The following PRKCA variants were observed in gnomAD, a reference collection of about 807,000 sequenced individuals.
The protein encoded by PRKCA is protein kinase C alpha.
Under a neutral mutation model 87.0 loss-of-function variants are expected in PRKCA, and 27 were observed. The observed-to-expected ratio is 0.31, with a 90% CI of 0.23 to 0.43. The LOEUF is 0.43. Ranked by LOEUF, PRKCA falls within the 20% of genes least tolerant of loss-of-function variation. The pLI is 1.00. For synonymous variants in PRKCA, 329 were observed against 311.1 expected (o/e 1.06, Z -0.61); for missense variants, 518 against 852.3 (o/e 0.61, Z 4.88).
At chr17:66,772,719 C>A (rs937475695) in intron 13 of PRKCA, among the ~76,000 whole-genome samples, 1 of 152,108 alleles carries the variant, frequency 6.6e-6, no homozygotes, top group African/African-American at 2.4e-5. Context: ...ATGTTACTCC[C>A]TTCCACGAAG....
intron 2 of PRKCA, among the ~76,000 whole-genome samples, chr17:66,327,600 A>G (rs1906064715): frequency 6.6e-6 from 1 of 152,180 alleles, no homozygotes; most frequent in Admixed American, 6.6e-5. Context: ...GCTATCTGAC[A>G]TCAACTCTGT....
In PRKCA at chr17:66,700,424, A is replaced by T. The variant is rs546034286; in HGVS notation, c.918+11377A>T. ...GAGGATGCCCATTCTCTCCACTTCT[A>T]TTCAACATAGTCCTGGAAGTTCTAC... On this transcript the variant is annotated intron_variant, in intron 8 of 16. Transcript: ENST00000413366. Among the ~76,000 whole-genome samples, 17 of 152,284 alleles carry T rather than the reference A, an allele frequency of 1.1e-4. No homozygotes were observed. In the South Asian group the frequency reaches 3.5e-3, roughly 32 times the overall value.
At chr17:66,481,698 T>C (rs957690748) in intron 2 of PRKCA, among the ~76,000 whole-genome samples, 1 of 152,318 alleles carries the variant, frequency 6.6e-6, no homozygotes, top group South Asian at 2.1e-4. Context: ...CTGAAGGGAC[T>C]GGGCTTCATG....
intron 3 of PRKCA, among the ~76,000 whole-genome samples, chr17:66,520,373 G>A (rs1967121026): frequency 6.6e-6 from 1 of 151,762 alleles, no homozygotes. Context: ...CACCCGCCTC[G>A]GCCTCCCAAA....
At chr17:66,659,821 T>C (rs1171549266) in intron 5 of PRKCA, among the ~76,000 whole-genome samples, 6 of 152,230 alleles carry the variant, frequency 3.9e-5, no homozygotes, top group Admixed American at 6.5e-5. Flanking sequence ...CAAATGCTGA[T>C]GTTGGGTTAA....
chr17:66,427,620 A>G (rs1382081718), intron 2 of PRKCA, among the ~76,000 whole-genome samples: 2 of 152,222 alleles, frequency 1.3e-5, no homozygotes, highest in Non-Finnish European at 2.9e-5. Flanking sequence ...AGGGCTTTCT[A>G]GAGCTGTTGT....
intron 9 of PRKCA, among the ~76,000 whole-genome samples, chr17:66,735,027 T>C (rs891268688): frequency 5.9e-5 from 9 of 152,228 alleles, no homozygotes; most frequent in Admixed American, 1.3e-4. Context: ...GATACTGACA[T>C]GGGGTCTTCA....
intron 5 of PRKCA, among the ~76,000 whole-genome samples, chr17:66,677,773 A>C (rs1462645175): frequency 1.3e-5 from 2 of 152,262 alleles, no homozygotes; most frequent in African/African-American, 4.8e-5. Context: ...TGTGAGTATT[A>C]AGTGAGTGGG....
chr17:66,638,380 T>A (rs1027883191), intron 3 of PRKCA: 5 of 151,884 alleles, frequency 3.3e-5, no homozygotes, highest in African/African-American at 9.7e-5. Flanking sequence ...TAAAAAAAAA[T>A]CTGAGGTCTG....
chr17:66,527,588 C>A (rs1057269320), intron 3 of PRKCA, among the ~76,000 whole-genome samples: 1 of 152,214 alleles, frequency 6.6e-6, no homozygotes, highest in Non-Finnish European at 1.5e-5. Context: ...TGAGAAATGC[C>A]GCAGACCTTT....
intron 2 of PRKCA, among the ~76,000 whole-genome samples, chr17:66,486,991 G>A (rs1349956972): frequency 6.6e-6 from 1 of 152,078 alleles, no homozygotes; most frequent in Non-Finnish European, 1.5e-5. Flanking sequence ...GATAAAATCA[G>A]GGCAACTGAA....
At chr17:66,398,482 G>A (rs1910817550) in intron 2 of PRKCA, among the ~76,000 whole-genome samples, 2 of 152,208 alleles carry the variant, frequency 1.3e-5, no homozygotes, top group African/African-American at 4.8e-5. Flanking sequence ...AAAAAGTTAA[G>A]TGGCAAAGAA....
chr17:66,571,063 C>G (rs921034536), intron 3 of PRKCA, among the ~76,000 whole-genome samples: 1 of 152,202 alleles, frequency 6.6e-6, no homozygotes, highest in African/African-American at 2.4e-5. Context: ...ACCACACATT[C>G]CAGAGGGGTT....
At chr17:66,392,238 C>CAA (rs200825654) in intron 2 of PRKCA, among the ~76,000 whole-genome samples, 1 of 147,876 alleles carries the variant, frequency 6.8e-6, no homozygotes, top group Non-Finnish European at 1.5e-5. Context: ...TCAACAACAA[C>CAA]AAAAAAAAAA....
chr17:66,349,364 AC>A (rs751213684), intron 2 of PRKCA, among the ~76,000 whole-genome samples: 16 of 151,946 alleles, frequency 1.1e-4, no homozygotes, highest in Admixed American at 5.9e-4. Context: ...CTACCCTGCT[AC>A]CCCCCGCATT....
chr17:66,552,591 A>T (rs916168337), intron 3 of PRKCA, among the ~76,000 whole-genome samples: 1 of 152,200 alleles, frequency 6.6e-6, no homozygotes, highest in Non-Finnish European at 1.5e-5. Flanking sequence ...CTTTGCCCTC[A>T]GTTCCTTGCC....
intron 2 of PRKCA, among the ~76,000 whole-genome samples, chr17:66,422,974 A>C (rs1343178431): frequency 1.3e-5 from 2 of 151,854 alleles, no homozygotes; most frequent in African/African-American, 4.8e-5. Flanking sequence ...AGCTGAGCAT[A>C]GTGGCAGGCA....
intron 5 of PRKCA, among the ~76,000 whole-genome samples, chr17:66,664,159 C>T (rs78118954): frequency 0.16 from 23,639 of 152,094 alleles, 2,594 homozygotes; most frequent in African/African-American, 0.31. Context: ...TGAGCCACCG[C>T]GCCCAACCGT....
chr17:66,758,085 G>A (rs558841116), intron 13 of PRKCA, among the ~76,000 whole-genome samples: 4 of 152,332 alleles, frequency 2.6e-5, no homozygotes, highest in East Asian at 3.9e-4. Context: ...TCTCCATGGG[G>A]CAAGGAAGGG....
Sources: gnomAD v4.1 joint callset for allele counts (sites outside exome capture counted in the v4.1 genomes callset) on GRCh38, gnomAD v4.1.1 for gene constraint, MANE v1.5 for transcripts, NCBI Gene and HGNC (gene_info 2026-07-23, HGNC 2026-07-21) for gene names.